PIK3CB: variants seen among roughly 807,000 people sequenced by gnomAD.
The protein encoded by PIK3CB is phosphatidylinositol-4,5-bisphosphate 3-kinase catalytic subunit beta, also known as phosphatidylinositol 4,5-bisphosphate 3-kinase catalytic subunit beta isoform.
PIK3CB carries 39 observed loss-of-function variants against 136.8 expected under a neutral mutation model. The ratio of observed to expected loss-of-function variants is 0.29; its 90% confidence interval spans 0.22 to 0.37. The LOEUF (loss-of-function observed/expected upper bound fraction) is 0.37. Ranked by LOEUF, PIK3CB falls within the 10% of genes least tolerant of loss-of-function variation. The pLI, the probability that PIK3CB is intolerant of heterozygous loss-of-function variation, is 1.00. For synonymous variants in PIK3CB, 428 were observed against 436.6 expected (o/e 0.98, Z 0.25); for missense variants, 868 against 1,275.4 (o/e 0.68, Z 4.87).
chr3:138,694,646 G>A, intron 14 of PIK3CB, 140 bp downstream of exon 14: 1 of 818,974 alleles, frequency 1.2e-6, no homozygotes. Flanking sequence ...TGGGGAGCTG[G>A]CAGGAGTACA....
intron 19 of PIK3CB, among the ~76,000 whole-genome samples, chr3:138,676,235 T>C (rs998141063): frequency 3.3e-5 from 5 of 152,112 alleles, no homozygotes; most frequent in African/African-American, 7.2e-5. Flanking sequence ...ACATTAGTCA[T>C]TGGGAAAATG....
chr3:138,826,196 T>C (rs1260716015), intron 1 of PIK3CB: 6 of 1,269,162 alleles, frequency 4.7e-6, no homozygotes, highest in Admixed American at 3.5e-5. Context: ...TCTAGGACTA[T>C]CCTCCTCTGG....
chr3:138,786,153 C>A (rs1490552418), intron 2 of PIK3CB, among the ~76,000 whole-genome samples: 1 of 152,078 alleles, frequency 6.6e-6, no homozygotes, highest in East Asian at 1.9e-4. Flanking sequence ...TTCCCCAGTT[C>A]TCTTCACAGT....
At chr3:138,743,413 T>G (rs1046692787) in intron 4 of PIK3CB, among the ~76,000 whole-genome samples, 2 of 152,236 alleles carry the variant, frequency 1.3e-5, no homozygotes, top group Admixed American at 1.3e-4. Context: ...TTCATTGTGA[T>G]TTTTAAATGG....
chr3:138,805,846 C>G (rs1246754190), intron 1 of PIK3CB, among the ~76,000 whole-genome samples: 1 of 151,372 alleles, frequency 6.6e-6, no homozygotes, highest in African/African-American at 2.4e-5. Context: ...TCTCCTGCCT[C>G]AGCTTCCTGA....
At chr3:138,664,915 T>C (rs911945412) in intron 20 of PIK3CB, 121 bp downstream of exon 20, 8 of 555,838 alleles carry the variant, frequency 1.4e-5, no homozygotes, top group African/African-American at 7.6e-5. Context: ...TAACAAGAAA[T>C]GAAGCAATAG....
rs369422173 is a variant in PIK3CB, at chr3:138,802,622, A to G, written c.-121-6055T>C. 5.3e-5 allele frequency among the ~76,000 whole-genome samples: 8 copies of G among 152,240 alleles called. No individual in the cohort carries two copies. The East Asian group carries it at 1.4e-3, about 26-fold the overall frequency. On this transcript the variant is annotated intron_variant, in intron 1 of 23. Transcript: ENST00000674063. ...AAAAAGTTTTGACCTTCCAGAGCTC[A>G]GGGACCTCTCAGGGTCCCCATACTG... is the stretch of plus-strand genomic sequence containing the variant.
chr3:138,783,255 T>C lies in PIK3CB; in HGVS notation c.-17+13208A>G, dbSNP rs575494072. ...AATGTAGAGGTTAAAACATGTTAAT[T>C]TGAGGCAGATAAAGAGGGTGATTTT... On this transcript the variant is annotated intron_variant, in intron 2 of 23. Transcript: ENST00000674063. Among the ~76,000 whole-genome samples the C allele has an allele frequency of 5.3e-5, 8 of 152,282 alleles. No homozygotes were observed. In the East Asian group the frequency reaches 7.7e-4, roughly 15 times the overall value.
chr3:138,828,011 A>C (rs1443550714), intron 1 of PIK3CB, among the ~76,000 whole-genome samples: 1 of 151,734 alleles, frequency 6.6e-6, no homozygotes, highest in Non-Finnish European at 1.5e-5. Flanking sequence ...CAAAACAAAA[A>C]AAGGTACCTG....
At chr3:138,705,142 G>A (rs191063582) in intron 11 of PIK3CB, among the ~76,000 whole-genome samples, 37 of 72,574 alleles carry the variant, frequency 5.1e-4, no homozygotes, top group Middle Eastern at 0.022. Context: ...GACTCTCCAA[G>A]AGATTAGAAA....
In PIK3CB at chr3:138,830,565, A is replaced by G. The variant is rs138366981; in HGVS notation, c.-122+4130T>C. ...ACGACTCCGTCTCAAACAAAACAAAACAAAACAAAAAATCAAAAGGAACAA... is the reference window on the plus strand; with the variant it reads ...ACGACTCCGTCTCAAACAAAACAAAGCAAAACAAAAAATCAAAAGGAACAA... On this transcript the variant is annotated intron_variant, in intron 1 of 23. Transcript: ENST00000674063. 7.0e-4 allele frequency among the ~76,000 whole-genome samples: 106 copies of G among 151,962 alleles called. No homozygotes were observed. In the East Asian group the frequency reaches 0.019, roughly 28 times the overall value.
At chr3:138,800,822 G>A (rs1470427914) in intron 1 of PIK3CB, among the ~76,000 whole-genome samples, 2 of 151,486 alleles carry the variant, frequency 1.3e-5, no homozygotes, top group South Asian at 2.1e-4. Flanking sequence ...ATGGGTTTTC[G>A]CCATGTTGGC....
At chr3:138,753,715 AG>A (rs2045514446) in intron 4 of PIK3CB, among the ~76,000 whole-genome samples, 1 of 151,958 alleles carries the variant, frequency 6.6e-6, no homozygotes, top group African/African-American at 2.4e-5. Context: ...CTGAGGTAGG[AG>A]GATCACTTAA....
rs28763910 is a variant in PIK3CB at position 138,714,459 on chromosome 3, T to C, written c.1302+9A>G. On this transcript the variant is annotated intron_variant, in intron 9 of 23. Transcript: ENST00000674063. ...ATAAAACAATCCTCAGAAGTTGGTA[T>C]ATCATTACCACTTTTCCAGCTTTCC... 2,886 of 1,579,516 alleles carry C rather than the reference T, an allele frequency of 1.8e-3. 51 individuals carry two copies. In the African/African-American group the frequency reaches 0.029, roughly 16 times the overall value.
chr3:138,655,615 C>A (rs900747606), intron 23 of PIK3CB, 89 bp from the exon 24 acceptor site: 1 of 966,022 alleles, frequency 1.0e-6, no homozygotes, highest in Non-Finnish European at 1.6e-6. Context: ...ATTGGTTGTG[C>A]CTCCCCAGCC....
chr3:138,664,151 G>A (rs1054612826), intron 20 of PIK3CB, 122 bp from the exon 21 acceptor site: 16 of 1,117,648 alleles, frequency 1.4e-5, no homozygotes, highest in Middle Eastern at 2.6e-4. Flanking sequence ...TGCCAAAACC[G>A]TATGAGAGAA....
At chr3:138,662,472 T>C (rs1237333723) in intron 21 of PIK3CB, among the ~76,000 whole-genome samples, 2 of 151,496 alleles carry the variant, frequency 1.3e-5, no homozygotes, top group African/African-American at 4.9e-5. Context: ...TAGTATTCCA[T>C]GGTATATATG....
chr3:138,752,098 C>T (rs1408294944), intron 4 of PIK3CB, among the ~76,000 whole-genome samples: 1 of 151,950 alleles, frequency 6.6e-6, no homozygotes, highest in Non-Finnish European at 1.5e-5. Context: ...CTAACAAAAT[C>T]CTCTGATTAC....
chr3:138,815,848 G>A (rs550146320), intron 1 of PIK3CB, among the ~76,000 whole-genome samples: 7 of 152,188 alleles, frequency 4.6e-5, no homozygotes, highest in African/African-American at 1.7e-4. Context: ...AGATACCAAG[G>A]GATAAATTGC....
Sources: allele counts gnomAD v4.1 joint callset (sites outside exome capture counted in the v4.1 genomes callset), GRCh38; gene constraint gnomAD v4.1.1; transcripts MANE v1.5; gene names NCBI Gene and HGNC (gene_info 2026-07-23, HGNC 2026-07-21).